The following ADGRB3 variants were observed in gnomAD, a reference collection of about 807,000 sequenced individuals.
ADGRB3 encodes brain-specific angiogenesis inhibitor 3.
A neutral mutation model predicts 193.4 loss-of-function variants in ADGRB3; 37 were observed. The ratio of observed to expected loss-of-function variants is 0.19; its 90% CI spans 0.15 to 0.25. The LOEUF is 0.25. Ranked by LOEUF, ADGRB3 falls within the 10% of genes least tolerant of loss-of-function variation. The probability of loss-of-function intolerance (pLI) is 1.00; values close to 1 mark genes in which losing one functional copy is unlikely to be tolerated. For missense variants in ADGRB3, 1,637 were observed against 1,852.9 expected (o/e 0.88, Z 2.14); for synonymous variants, 690 against 644.2 (o/e 1.07, Z -1.08).
intron 3 of ADGRB3, among the ~76,000 whole-genome samples, chr6:68,790,524 T>C (rs1044559890): frequency 1.3e-5 from 2 of 152,066 alleles, no homozygotes; most frequent in Non-Finnish European, 2.9e-5. Context: ...GTAGCCTAAC[T>C]GGGAGGCACC....
chr6:68,766,922 T>C (rs1215608295), intron 3 of ADGRB3, among the ~76,000 whole-genome samples: 2 of 152,164 alleles, frequency 1.3e-5, no homozygotes, highest in East Asian at 3.9e-4. Context: ...AACATACTGG[T>C]TTTTCATCCA....
intron 13 of ADGRB3, among the ~76,000 whole-genome samples, chr6:69,022,810 C>G (rs1356665261): frequency 6.6e-6 from 1 of 151,946 alleles, no homozygotes; most frequent in Non-Finnish European, 1.5e-5. Flanking sequence ...CAGCTGTTTG[C>G]AGTTCCAAAT....
intron 3 of ADGRB3, among the ~76,000 whole-genome samples, chr6:68,890,666 A>C (rs937684422): frequency 6.6e-6 from 1 of 152,214 alleles, no homozygotes; most frequent in East Asian, 1.9e-4. Context: ...TCTGTGATGC[A>C]GGGTGGATAG....
chr6:68,871,140 TA>T (rs565532270), intron 3 of ADGRB3, among the ~76,000 whole-genome samples: 1 of 152,154 alleles, frequency 6.6e-6, no homozygotes, highest in Non-Finnish European at 1.5e-5. Context: ...ACAGAAATGA[TA>T]AAAAAAGAAT....
chr6:69,290,625 A>G (rs1036681142), intron 20 of ADGRB3, among the ~76,000 whole-genome samples: 2 of 152,204 alleles, frequency 1.3e-5, no homozygotes, highest in South Asian at 2.1e-4. Flanking sequence ...TTACATACTC[A>G]TATAATTCTA....
chr6:68,703,582 C>A (rs1258254427), intron 3 of ADGRB3, among the ~76,000 whole-genome samples: 2 of 151,524 alleles, frequency 1.3e-5, no homozygotes, highest in Non-Finnish European at 2.9e-5. Flanking sequence ...TACAAAATAC[C>A]TAAAATATTA....
intron 14 of ADGRB3, among the ~76,000 whole-genome samples, chr6:69,049,048 G>T (rs1278480527): frequency 6.6e-6 from 1 of 152,142 alleles, no homozygotes; most frequent in East Asian, 1.9e-4. Flanking sequence ...GCAGCTTCTT[G>T]TCTCAACCTG....
rs528278838 is a variant in ADGRB3, at chr6:69,330,362, T to C, written c.3036-144T>C. On this transcript the variant is annotated intron_variant, in intron 22 of 31. Coordinates refer to ENST00000370598, the MANE Select transcript of ADGRB3 (RefSeq NM_001704.3). ...GATATAATTCTAGTTTTTTTCTACATCTTCTATGTATTTTTTATTACAAAT... is the reference window on the plus strand; with the variant it reads ...GATATAATTCTAGTTTTTTTCTACACCTTCTATGTATTTTTTATTACAAAT... The C allele has an allele frequency of 5.8e-4, 275 of 472,238 alleles. 1 individual carries two copies. The highest frequency in any genetic ancestry group is 9.3e-4 in the Non-Finnish European group (250 of 269,874). The allele number at this position is 472,238 out of a possible 1,614,324, so 29.3% of individuals were successfully genotyped here.
At chr6:68,807,388 C>T (rs1349676189) in intron 3 of ADGRB3, among the ~76,000 whole-genome samples, 1 of 151,478 alleles carries the variant, frequency 6.6e-6, no homozygotes, top group East Asian at 1.9e-4. Flanking sequence ...ACAGGCGCCC[C>T]CCACCTTGCC....
At chr6:68,658,883 A>G (rs1226556631) in intron 3 of ADGRB3, among the ~76,000 whole-genome samples, 2 of 151,166 alleles carry the variant, frequency 1.3e-5, no homozygotes, top group Admixed American at 1.3e-4. Flanking sequence ...ATTATCTTTT[A>G]ATGATTTTAA....
At chr6:69,219,460 C>A (rs1445447006) in intron 17 of ADGRB3, among the ~76,000 whole-genome samples, 1 of 54,884 alleles carries the variant, frequency 1.8e-5, no homozygotes, top group East Asian at 7.4e-4. Flanking sequence ...TACACACACA[C>A]GTATATATAT....
intron 3 of ADGRB3, among the ~76,000 whole-genome samples, chr6:68,680,944 A>C (rs984873507): frequency 6.6e-6 from 1 of 152,148 alleles, no homozygotes; most frequent in Non-Finnish European, 1.5e-5. Flanking sequence ...GGAATACTGG[A>C]GGTTGAGTAA....
chr6:69,188,867 T>C (rs1765120674), intron 17 of ADGRB3, among the ~76,000 whole-genome samples: 1 of 152,178 alleles, frequency 6.6e-6, no homozygotes, highest in African/African-American at 2.4e-5. Context: ...TATATCTCTT[T>C]GGATGGCACA....
In ADGRB3 at chr6:69,278,296, A is replaced by G. The variant is rs1007954118; in HGVS notation, c.2814+39070A>G. On this transcript the variant is annotated intron_variant, in intron 20 of 31. Coordinates refer to ENST00000370598, the MANE Select transcript of ADGRB3 (RefSeq NM_001704.3). ...ATCGTTGTTTTCATGAGAAAGCAAG[A>G]AACACTTTGCCATAACTTCATCCTC... Among the ~76,000 whole-genome samples, 3 of 152,258 alleles carry G rather than the reference A, an allele frequency of 2.0e-5. No homozygotes were observed. In the East Asian group the frequency reaches 5.8e-4, roughly 29 times the overall value.
chr6:69,321,546 A>G (rs1025612480), intron 20 of ADGRB3, among the ~76,000 whole-genome samples: 3 of 151,770 alleles, frequency 2.0e-5, no homozygotes, highest in Non-Finnish European at 4.4e-5. Context: ...GAACCTCGTC[A>G]TGGAAAAGGA....
chr6:68,788,455 T>C (rs1245633254), intron 3 of ADGRB3, among the ~76,000 whole-genome samples: 1 of 152,210 alleles, frequency 6.6e-6, no homozygotes, highest in Non-Finnish European at 1.5e-5. Context: ...TTCCATGTAG[T>C]TGAGCAGTTT....
At chr6:68,729,936 A>G (rs1765741305) in intron 3 of ADGRB3, among the ~76,000 whole-genome samples, 1 of 151,666 alleles carries the variant, frequency 6.6e-6, no homozygotes, top group South Asian at 2.1e-4. Flanking sequence ...ATGAATAAGA[A>G]ACTAGCTTTG....
chr6:69,340,376 GGGATGACT>G (rs1321225681), intron 26 of ADGRB3, among the ~76,000 whole-genome samples: 1 of 152,144 alleles, frequency 6.6e-6, no homozygotes, highest in Non-Finnish European at 1.5e-5. Context: ...ATTTACTCTA[GGGATGACT>G]GGTGACAAAA....
intron 13 of ADGRB3, among the ~76,000 whole-genome samples, chr6:69,021,085 C>T (rs1338009476): frequency 6.6e-6 from 1 of 151,860 alleles, no homozygotes; most frequent in Non-Finnish European, 1.5e-5. Flanking sequence ...AATTATCCAA[C>T]AGTCTGCTCA....
Sources: gnomAD v4.1 joint callset for allele counts (sites outside exome capture counted in the v4.1 genomes callset) on GRCh38, gnomAD v4.1.1 for gene constraint, MANE v1.5 for transcripts, NCBI Gene and HGNC (gene_info 2026-07-23, HGNC 2026-07-21) for gene names.